Variants in ARPP21 observed in about 807,000 individuals in gnomAD.
The protein encoded by ARPP21 is cAMP-regulated phosphoprotein 21.
Under a neutral mutation model 113.2 loss-of-function variants are expected in ARPP21, and 69 were observed. The observed-to-expected ratio is 0.61, with a 90% CI of 0.50 to 0.74. The LOEUF is 0.74. ARPP21 is among the 30% of genes least tolerant of loss of function. The pLI, the probability that ARPP21 is intolerant of heterozygous loss-of-function variation, is 0.00. For missense variants in ARPP21, 1,070 were observed against 1,037.4 expected, an observed-to-expected ratio of 1.03 and a Z score of -0.43; for synonymous variants, 368 against 375.5, an observed-to-expected ratio of 0.98 and a Z score of 0.23.
chr3:35,644,229 T>A (rs1699306037), intron 1 of ARPP21, among the ~76,000 whole-genome samples: 1 of 151,908 alleles, frequency 6.6e-6, no homozygotes. Context: ...TTAGGTAGCT[T>A]TATGCCAAGT....
At chr3:35,710,770 G>T (rs1233596616) in intron 11 of ARPP21, among the ~76,000 whole-genome samples, 1 of 152,170 alleles carries the variant, frequency 6.6e-6, no homozygotes, top group African/African-American at 2.4e-5. Context: ...CTGTAATGAA[G>T]ATGACACCTG....
At chr3:35,740,117 C>T (rs1192616312) in intron 18 of ARPP21, among the ~76,000 whole-genome samples, 1 of 152,204 alleles carries the variant, frequency 6.6e-6, no homozygotes, top group Non-Finnish European at 1.5e-5. Flanking sequence ...AGAGCTCACA[C>T]ATCTCTCACA....
At chr3:35,766,081 A>C (rs934477277) in intron 19 of ARPP21, among the ~76,000 whole-genome samples, 2 of 152,150 alleles carry the variant, frequency 1.3e-5, no homozygotes, top group African/African-American at 2.4e-5. Flanking sequence ...TCTATTATTT[A>C]TGTGGAGTAT....
chr3:35,699,752 G>T (rs2085551793), intron 9 of ARPP21, among the ~76,000 whole-genome samples: 1 of 151,630 alleles, frequency 6.6e-6, no homozygotes, highest in Non-Finnish European at 1.5e-5. Context: ...CCTTCACTGG[G>T]ACTGAAATAC....
At chr3:35,668,136 A>G (rs17033654) in intron 1 of ARPP21, among the ~76,000 whole-genome samples, 2,382 of 152,282 alleles carry the variant, frequency 0.016, 61 homozygotes, top group African/African-American at 0.054. Flanking sequence ...GCTACTATTC[A>G]TGGTAAAGTA....
intron 6 of ARPP21, 32 bp downstream of exon 6, chr3:35,687,915 A>G: frequency 6.4e-7 from 1 of 1,564,052 alleles, no homozygotes; most frequent in Non-Finnish European, 8.6e-7. Context: ...TAACTTACTC[A>G]ATTTGGGCAC....
chr3:35,729,339 C>G lies in ARPP21; in HGVS notation c.1262C>G (p.Ser421Trp). The change falls in exon 15 of 21, where the codon TCG (serine) becomes TGG (tryptophan). Residue 421 changes from serine to tryptophan, a missense_variant. Transcript: ENST00000684406. ...TCCAGCAGTGCAGGCTCCTCAGGATCGCTGTCCCGCACCCATCCACCTCTC... is the reference window on the plus strand; with the variant it reads ...TCCAGCAGTGCAGGCTCCTCAGGATGGCTGTCCCGCACCCATCCACCTCTC... ...ESSSSAGSSG[S>W]LSRTHPPLQS... The G allele has an allele frequency of 6.2e-7, 1 of 1,614,146 alleles. No homozygotes were observed. Among genetic ancestry groups the G allele is most frequent in the Non-Finnish European group, 8.5e-7 (1 of 1,180,010 alleles).
In ARPP21 at chr3:35,642,693, G is replaced by A. The variant is rs114545119; in HGVS notation, c.-213+2295G>A. 8.7e-3 allele frequency among the ~76,000 whole-genome samples: 1,319 copies of A among 152,132 alleles called. 9 individuals are homozygous for A. Among genetic ancestry groups the A allele is most frequent in the African/African-American group, 0.019 (771 of 41,524 alleles). On this transcript the variant is annotated intron_variant, in intron 1 of 20. Coordinates refer to ENST00000684406, the MANE Select transcript of ARPP21 (RefSeq NM_001385562.1). ...ATTTCAAATTCCTAAAATATTGTTC[G>A]GTGAAAGGTTTGGAGCTTGTAAAAC...
intron 5 of ARPP21, chr3:35,685,208 A>G (rs899744204): frequency 4.2e-5 from 41 of 985,214 alleles, no homozygotes; most frequent in Non-Finnish European, 4.7e-5. Context: ...TAAGGGATCA[A>G]CTGTATCACA....
chr3:35,690,994 C>A lies in ARPP21; in HGVS notation c.675C>A (p.Ser225Arg), dbSNP rs1278284968. ...AATCTGTTATCATCAACAAGACCAG[C>A]AGCACCAGAATGTAAGCCCCATCAC... ...TGKSVIINKT[S>R]STRIPEQRFC... Residue 225 changes from serine (S) to arginine (R), a missense_variant, in exon 9 of 21, where the codon AGC becomes AGA. Transcript: ENST00000684406. 2 of 1,609,826 alleles carry A rather than the reference C, an allele frequency of 1.2e-6. No individual in the cohort carries two copies. Among genetic ancestry groups the A allele is most frequent in the Admixed American group, 3.3e-5 (2 of 59,712 alleles).
At chr3:35,649,149 C>A (rs781238060) in intron 1 of ARPP21, among the ~76,000 whole-genome samples, 19 of 152,138 alleles carry the variant, frequency 1.2e-4, no homozygotes, top group Non-Finnish European at 2.5e-4. Context: ...TAAAAATTGA[C>A]CTTTCTACTG....
At chr3:35,790,524 A>C (rs550406671) in intron 19 of ARPP21, among the ~76,000 whole-genome samples, 6 of 152,328 alleles carry the variant, frequency 3.9e-5, no homozygotes, top group Admixed American at 2.0e-4. Flanking sequence ...TTAATGTGAA[A>C]ATAATTTTCT....
intron 19 of ARPP21, among the ~76,000 whole-genome samples, chr3:35,760,866 A>C (rs1269247304): frequency 6.6e-6 from 1 of 152,062 alleles, no homozygotes; most frequent in Non-Finnish European, 1.5e-5. Context: ...AAAAAAATGC[A>C]GATAAATGGA....
rs2094424256 is a variant in ARPP21, at chr3:35,737,419, G to A, written c.1644+57G>A. 5 of 1,189,704 alleles carry A rather than the reference G, an allele frequency of 4.2e-6. No homozygotes were observed. The South Asian group carries it at 7.1e-5, about 17-fold the overall frequency. The allele number at this position is 1,189,704 out of a possible 1,614,324, so 73.7% of individuals were successfully genotyped here. On this transcript the variant is annotated intron_variant, in intron 16 of 20. Transcript: ENST00000684406. The stretch of plus-strand genomic sequence containing the variant: ...AGTACCCTGAGATGAAGGCTACATA[G>A]TCCTCAGAGCAGCAGAGAATCAGGG...
chr3:35,683,070 G>A (rs58305869), intron 4 of ARPP21, among the ~76,000 whole-genome samples, 181 bp downstream of exon 4: 1 of 151,530 alleles, frequency 6.6e-6, no homozygotes, highest in East Asian at 2.0e-4. Context: ...TTACTTTATG[G>A]CACTGCATAT....
At chr3:35,698,049 A>C (rs1459471926) in intron 9 of ARPP21, among the ~76,000 whole-genome samples, 1 of 151,588 alleles carries the variant, frequency 6.6e-6, no homozygotes, top group East Asian at 1.9e-4. Flanking sequence ...AATGGCAGTG[A>C]AAATCATCTG....
At chr3:35,785,509 T>TAAAGAAAGAAAG (rs5847899) in intron 19 of ARPP21, among the ~76,000 whole-genome samples, 2 of 150,454 alleles carry the variant, frequency 1.3e-5, no homozygotes, top group East Asian at 1.9e-4. Context: ...TGCCCTGATT[T>TAAAGAAAGAAAG]AAAGAAAGAA....
At chr3:35,684,631 A>G (rs2080009391) in intron 5 of ARPP21, 1 of 985,278 alleles carries the variant, frequency 1.0e-6, no homozygotes, top group South Asian at 4.7e-5. Flanking sequence ...AGCCCAGGGG[A>G]GGGAAAATTG....
chr3:35,663,057 T>C (rs1708534067), intron 1 of ARPP21, among the ~76,000 whole-genome samples: 1 of 152,136 alleles, frequency 6.6e-6, no homozygotes, highest in African/African-American at 2.4e-5. Flanking sequence ...ACTCAGGCGA[T>C]GGACACCCTA....
Sources: allele counts gnomAD v4.1 joint callset (sites outside exome capture counted in the v4.1 genomes callset), GRCh38; gene constraint gnomAD v4.1.1; transcripts MANE v1.5; gene names NCBI Gene and HGNC (gene_info 2026-07-23, HGNC 2026-07-21).